PCK2: variants seen among roughly 807,000 people sequenced by gnomAD.
The protein encoded by PCK2 is phosphoenolpyruvate carboxykinase [GTP], mitochondrial.
Under a neutral mutation model 65.9 loss-of-function variants are expected in PCK2, and 56 were observed. The ratio of observed to expected loss-of-function variants is 0.85; its 90% CI spans 0.69 to 1.06. PCK2 has a LOEUF of 1.06. Among genes scored for constraint, PCK2 ranks in the 50% least tolerant of loss-of-function variants. The pLI, the probability that PCK2 is intolerant of heterozygous loss-of-function variation, is 0.00. For missense variants in PCK2, 843 were observed against 863.1 expected (o/e 0.98, Z 0.29); for synonymous variants, 305 against 319.6 (o/e 0.95, Z 0.49).
chr14:24,094,222 G>A (rs1230510812), upstream of PCK2: 3 of 588,254 alleles, frequency 5.1e-6, no homozygotes, highest in African/African-American at 6.0e-5. This position sits in a 1 kb window ranked among gnomAD's most constrained non-coding sequence, Gnocchi z 4.1. Flanking sequence ...GCCTGCCAGC[G>A]GGGCGGAGGA....
In PCK2 at chr14:24,098,259, T is replaced by A; in HGVS notation, c.332T>A (p.Ile111Asn). The A allele has an allele frequency of 6.2e-7, 1 of 1,614,032 alleles. No homozygotes were observed. The highest frequency in any genetic ancestry group is 8.5e-7 in the Non-Finnish European group (1 of 1,179,966). Reference sequence around the variant, plus strand: ...GCACGAGTAGAGAGCAAGACGGTGATTGTAACTCCTTCTCAGCGGGACACG... The same window carrying A: ...GCACGAGTAGAGAGCAAGACGGTGAATGTAACTCCTTCTCAGCGGGACACG... The part of the protein sequence containing the change: ...DVARVESKTV[I>N]VTPSQRDTVP... Residue 111 changes from isoleucine (I) to asparagine (N), a missense_variant, in exon 3 of 10, where the codon ATT becomes AAT. Coordinates refer to ENST00000216780, the MANE Select transcript of PCK2 (RefSeq NM_004563.4).
intron 6 of PCK2, 21 bp downstream of exon 6, chr14:24,099,741 A>T: frequency 6.2e-7 from 1 of 1,608,578 alleles, no homozygotes; most frequent in Non-Finnish European, 8.5e-7. Context: ...CTCAGATCAT[A>T]CTCTTGGTTC....
chr14:24,095,134 T>G (rs1259475553), intron 1 of PCK2: 2 of 456,130 alleles, frequency 4.4e-6, no homozygotes, highest in Non-Finnish European at 8.8e-6. Flanking sequence ...CTGAGGCCTC[T>G]CTTCTCAGCT....
Position 24,099,217 on chromosome 14 carries a change from G to C in PCK2, c.833G>C (p.Trp278Ser), listed in dbSNP as rs772468236. Reference sequence around the variant, plus strand: ...TCTCGGCTGGCCCGGGATGAGGGCTGGCTGGCAGAGCACATGCTGGTGAGG... The same window carrying C: ...TCTCGGCTGGCCCGGGATGAGGGCTCGCTGGCAGAGCACATGCTGGTGAGG... ...IASRLARDEG[W>S]LAEHMLILGI... Residue 278 changes from tryptophan to serine, a missense_variant, in exon 5 of 10, where the codon TGG becomes TCG. Coordinates refer to ENST00000216780, the MANE Select transcript of PCK2 (RefSeq NM_004563.4). 1.2e-5 allele frequency: 19 copies of C among 1,597,222 alleles called. 1 individual carries two copies. The South Asian group carries it at 2.0e-4, about 17-fold the overall frequency.
rs1482396899 is a variant in PCK2, at chr14:24,099,619, C to T, written c.914C>T (p.Ala305Val). The T allele has an allele frequency of 1.9e-6, 3 of 1,613,688 alleles. No individual in the cohort carries two copies. The highest frequency in any genetic ancestry group is 1.7e-5 in the Admixed American group (1 of 59,994). Reference protein sequence around the residue: ...KRYVAAAFPSACGKTNLAMMR... With the variant: ...KRYVAAAFPSVCGKTNLAMMR... ...TATGTGGCAGCCGCCTTCCCTAGTG[C>T]CTGTGGCAAGACCAACCTGGCTATG... Residue 305 changes from alanine (A) to valine (V), a missense_variant, in exon 6 of 10, where the codon GCC (alanine) becomes GTC (valine). Ala to Val is a moderately conservative substitution (Grantham distance 64). Coordinates refer to ENST00000216780, the MANE Select transcript of PCK2 (RefSeq NM_004563.4).
rs1321725586 is a variant in PCK2, at chr14:24,098,303, G to A, written c.376G>A (p.Gly126Arg). Residue 126 changes from glycine to arginine, a missense_variant, in exon 3 of 10, where the codon GGG (glycine) becomes AGG (arginine). Transcript: ENST00000216780. Reference sequence around the variant, plus strand: ...GGACACGGTACCACTCCCGCCTGGTGGGGCCCGTGGGCAGCTGGGCAACTG... The same window carrying A: ...GGACACGGTACCACTCCCGCCTGGTAGGGCCCGTGGGCAGCTGGGCAACTG... ...QRDTVPLPPG[G>R]ARGQLGNWMS... 6.2e-7 allele frequency: 1 copy of A among 1,613,972 alleles called. No individual in the cohort carries two copies. The highest frequency in any genetic ancestry group is 1.3e-5 in the African/African-American group (1 of 74,918).
chr14:24,094,896 G>A lies in PCK2; in HGVS notation c.29+462G>A, dbSNP rs2036792934. 6.4e-6 allele frequency: 8 copies of A among 1,240,846 alleles called. 2 individuals are homozygous for A. Among genetic ancestry groups the A allele is most frequent in the Non-Finnish European group, 8.5e-6 (8 of 944,460 alleles). 76.9% of individuals were successfully genotyped at this position (1,240,846 alleles called of 1,614,324 possible). On this transcript the variant is annotated intron_variant, in intron 1 of 9. Coordinates refer to ENST00000216780, the MANE Select transcript of PCK2 (RefSeq NM_004563.4). The surrounding 1 kb of genome is among the most constrained non-coding windows in gnomAD (Gnocchi z 4.1). ...TCAGAGCCCCCTAAAGAAGGTGGAA[G>A]GTTAAATATCCATTCCCGGCCTCTC...
Position 24,103,783 on chromosome 14 carries a change from C to T in PCK2, c.1742C>T (p.Ala581Val), listed in dbSNP as rs754432218. The change falls in exon 10 of 10, where the codon GCC becomes GTC. Residue 581 changes from alanine to valine, a missense_variant. Coordinates refer to ENST00000216780, the MANE Select transcript of PCK2 (RefSeq NM_004563.4). Reference protein sequence around the residue: ...TPIGLVPKEGALDLSGLRAID... With the variant: ...TPIGLVPKEGVLDLSGLRAID... ...ATTGGGCTGGTGCCAAAGGAAGGAG[C>T]CTTGGATCTCAGCGGCCTCAGAGCT... 6 of 1,613,978 alleles carry T rather than the reference C, an allele frequency of 3.7e-6. No homozygotes were observed. The highest frequency in any genetic ancestry group is 1.3e-5 in the African/African-American group (1 of 74,874).
At chr14:24,102,622 T>C (rs755213425) in intron 7 of PCK2, 131 bp from the exon 8 acceptor site, 45 of 731,374 alleles carry the variant, frequency 6.2e-5, no homozygotes, top group Non-Finnish European at 9.5e-5. Flanking sequence ...CTGCTCCTTA[T>C]CACACAAGGT....
chr14:24,094,805 C>T lies in PCK2; in HGVS notation c.29+371C>T, dbSNP rs1252299154. The T allele has an allele frequency of 7.4e-7, 1 of 1,350,924 alleles. No individual in the cohort carries two copies. Among genetic ancestry groups the T allele is most frequent in the Non-Finnish European group, 9.7e-7 (1 of 1,029,232 alleles). 83.7% of individuals were successfully genotyped at this position (1,350,924 alleles called of 1,614,324 possible). The stretch of plus-strand genomic sequence containing the variant: ...CCTCTAACGGGCTCTCAGCCAGCGC[C>T]CCAGGGTACTTCGAGAGGCAGCAGG... On this transcript the variant is annotated intron_variant, in intron 1 of 9. Transcript: ENST00000216780. This position sits in a 1 kb window ranked among gnomAD's most constrained non-coding sequence, Gnocchi z 4.1.
chr14:24,094,563 G>A lies in PCK2; in HGVS notation c.29+129G>A, dbSNP rs192834226. 8 of 1,440,634 alleles carry A rather than the reference G, an allele frequency of 5.6e-6. No individual in the cohort carries two copies. Among genetic ancestry groups the A allele is most frequent in the African/African-American group, 4.3e-5 (3 of 69,686 alleles). 89.2% of individuals were successfully genotyped at this position (1,440,634 alleles called of 1,614,324 possible). ...ATCCTAGGCGGAGGCGGGCAGGGGC[G>A]ACTGCTGTGGGTCCAGCCTCCCGCG... On this transcript the variant is annotated intron_variant, in intron 1 of 9. Coordinates refer to ENST00000216780, the MANE Select transcript of PCK2 (RefSeq NM_004563.4). The surrounding 1 kb of genome is among the most constrained non-coding windows in gnomAD (Gnocchi z 4.1).
chr14:24,095,185 C>T (rs1301116232), intron 1 of PCK2: 1 of 456,112 alleles, frequency 2.2e-6, no homozygotes, highest in African/African-American at 2.0e-5. Context: ...TGTCGCACAG[C>T]CCGTTCCACT....
chr14:24,097,971 T>A (rs1330022765), intron 2 of PCK2, among the ~76,000 whole-genome samples: 1 of 151,972 alleles, frequency 6.6e-6, no homozygotes, highest in South Asian at 2.1e-4. Context: ...TTTTTTTTTT[T>A]CCTCACCAGT....
In PCK2 at chr14:24,099,599, GGCA is replaced by G; in HGVS notation, c.897_899del (p.Ala301del). On this transcript the variant is annotated inframe_deletion, in exon 6 of 10. Transcript: ENST00000216780. ...GCCCTGCAGGGAAGAAGCGCTATGT[GGCA>G]GCCGCCTTCCCTAGTGCCTGTGGCA... is the stretch of plus-strand genomic sequence containing the variant. 3 of 1,611,610 alleles carry G rather than the reference GGCA, an allele frequency of 1.9e-6. No individual in the cohort carries two copies. The highest frequency in any genetic ancestry group is 2.5e-6 in the Non-Finnish European group (3 of 1,178,540).
At chr14:24,098,052 C>T in intron 2 of PCK2, 151 bp from the exon 3 acceptor site, 1 of 670,278 alleles carries the variant, frequency 1.5e-6, no homozygotes, top group South Asian at 2.1e-5. Context: ...TTAGATGGGA[C>T]AAAGCCTGGA....
At chr14:24,096,384 A>G (rs766593674) in intron 1 of PCK2, among the ~76,000 whole-genome samples, 3 of 151,864 alleles carry the variant, frequency 2.0e-5, no homozygotes, top group Non-Finnish European at 4.4e-5. Context: ...GACTAGAGGC[A>G]CACGCCACCA....
intron 9 of PCK2, 107 bp from the exon 10 acceptor site, chr14:24,103,403 A>T: frequency 2.5e-6 from 3 of 1,202,072 alleles, no homozygotes; most frequent in Non-Finnish European, 3.6e-6. Context: ...ATCCCTGAAG[A>T]TATTCAGAAC....
At chr14:24,096,465 G>T (rs1779152065) in intron 1 of PCK2, among the ~76,000 whole-genome samples, 1 of 152,024 alleles carries the variant, frequency 6.6e-6, no homozygotes, top group Non-Finnish European at 1.5e-5. Flanking sequence ...TTGATCTCCT[G>T]ACCTCATGAT....
intron 9 of PCK2, 68 bp downstream of exon 9, chr14:24,103,323 C>T (rs1301123123): frequency 1.5e-6 from 2 of 1,342,110 alleles, no homozygotes; most frequent in Non-Finnish European, 2.1e-6. Flanking sequence ...CCTTCCTGAG[C>T]CAGACCTTCC....
Sources: allele counts gnomAD v4.1 joint callset (sites outside exome capture counted in the v4.1 genomes callset), GRCh38; gene constraint gnomAD v4.1.1; non-coding constraint Gnocchi (gnomAD v3.1); transcripts MANE v1.5; gene names NCBI Gene and HGNC (gene_info 2026-07-23, HGNC 2026-07-21).